The following SFMBT2 variants were observed in gnomAD, a reference collection of about 807,000 sequenced individuals.
SFMBT2 encodes the protein Scm like with four mbt domains 2.
In SFMBT2, 38 loss-of-function variants were observed where a neutral mutation model predicts 110.1. That is an observed-to-expected ratio of 0.35 (90% CI 0.27 to 0.45). The LOEUF (loss-of-function observed/expected upper bound fraction) is 0.45. SFMBT2 is among the 20% of genes least tolerant of loss of function. The pLI, the probability that SFMBT2 is intolerant of heterozygous loss-of-function variation, is 1.00. For missense variants in SFMBT2, 1,011 were observed against 1,094.9 expected (o/e 0.92, Z 1.08); for synonymous variants, 425 against 425.4 (o/e 1.00, Z 0.01).
intron 4 of SFMBT2, among the ~76,000 whole-genome samples, chr10:7,345,806 C>T (rs902864976): frequency 6.6e-6 from 1 of 152,188 alleles, no homozygotes; most frequent in African/African-American, 2.4e-5. Flanking sequence ...TGGTCTTAAC[C>T]GAGTGTTCTA....
chr10:7,202,005 G>T (rs1215904415), intron 13 of SFMBT2, among the ~76,000 whole-genome samples: 1 of 152,230 alleles, frequency 6.6e-6, no homozygotes, highest in African/African-American at 2.4e-5. Flanking sequence ...GAGGGGCAGA[G>T]AATTAATGCC....
Position 7,171,333 on chromosome 10 carries a change from G to A in SFMBT2, c.2416-277C>T. 7 of 969,470 alleles carry A rather than the reference G, an allele frequency of 7.2e-6. No homozygotes were observed. The highest frequency in any genetic ancestry group is 8.6e-6 in the Non-Finnish European group (7 of 815,406). The allele number at this position is 969,470 out of a possible 1,614,324, so 60.1% of individuals were successfully genotyped here. On this transcript the variant is annotated intron_variant, in intron 19 of 20. Coordinates refer to ENST00000397167, the MANE Select transcript of SFMBT2 (RefSeq NM_001387889.1). The surrounding 1 kb of genome is among the most constrained non-coding windows in gnomAD (Gnocchi z 4.9). ...CCCTAGTTCAGGAAACCTTGGGCCTGCTTATGAACGAAGCATCTCTGATTA... is the reference window on the plus strand; with the variant it reads ...CCCTAGTTCAGGAAACCTTGGGCCTACTTATGAACGAAGCATCTCTGATTA...
chr10:7,329,524 G>C (rs150106654), intron 4 of SFMBT2: 1 of 985,336 alleles, frequency 1.0e-6, no homozygotes. Context: ...TGCTGCTGCT[G>C]CTGCAGGTAC....
intron 7 of SFMBT2, among the ~76,000 whole-genome samples, chr10:7,261,032 G>C (rs1337292214): frequency 1.3e-4 from 19 of 151,918 alleles, no homozygotes; most frequent in Admixed American, 1.2e-3. Context: ...CTCTCTGTAT[G>C]AGGTATGACT....
At chr10:7,215,926 A>C in intron 11 of SFMBT2, 1 of 155,962 alleles carries the variant, frequency 6.4e-6, no homozygotes, top group Non-Finnish European at 1.4e-5. Flanking sequence ...GCACATTCTC[A>C]AGGAACCAGG....
chr10:7,285,538 G>T, intron 5 of SFMBT2: 1 of 215,444 alleles, frequency 4.6e-6, no homozygotes, highest in Non-Finnish European at 9.4e-6. Flanking sequence ...TGATTCTACA[G>T]GATTTGATTT....
chr10:7,392,114 T>G (rs1845784663), intron 1 of SFMBT2, among the ~76,000 whole-genome samples: 1 of 152,174 alleles, frequency 6.6e-6, no homozygotes, highest in Admixed American at 6.5e-5. Flanking sequence ...CAGTTGAGGC[T>G]CATGACCCCC....
intron 2 of SFMBT2, among the ~76,000 whole-genome samples, chr10:7,375,754 CA>C: frequency 3.8e-5 from 1 of 26,496 alleles, no homozygotes; most frequent in East Asian, 9.6e-4. Flanking sequence ...GAAAAAACCA[CA>C]CACACACACA....
chr10:7,332,648 T>C (rs1157956985), intron 4 of SFMBT2, among the ~76,000 whole-genome samples: 1 of 152,198 alleles, frequency 6.6e-6, no homozygotes, highest in Non-Finnish European at 1.5e-5. Context: ...GGCCCATTGA[T>C]TTCATTCTCC....
In SFMBT2 at chr10:7,228,179, C is replaced by T. The variant is rs1839953748; in HGVS notation, c.1121-242G>A. 2.0e-5 allele frequency among the ~76,000 whole-genome samples: 3 copies of T among 152,132 alleles called. No homozygotes were observed. The South Asian group carries it at 6.2e-4, about 32-fold the overall frequency. On this transcript the variant is annotated intron_variant, in intron 9 of 20. Transcript: ENST00000397167. ...CAGGTGAGGAAGGGTGGAACTTACCCATGGCGGCACCAGCCGGTGGGGGGA... is the reference window on the plus strand; with the variant it reads ...CAGGTGAGGAAGGGTGGAACTTACCTATGGCGGCACCAGCCGGTGGGGGGA...
chr10:7,182,905 T>C (rs541948131), intron 16 of SFMBT2, among the ~76,000 whole-genome samples: 3 of 151,314 alleles, frequency 2.0e-5, no homozygotes, highest in Admixed American at 6.6e-5. Flanking sequence ...CCAAAAAGCA[T>C]GAGATAATGC....
chr10:7,288,099 C>G (rs1468667475), intron 4 of SFMBT2, among the ~76,000 whole-genome samples: 1 of 152,182 alleles, frequency 6.6e-6, no homozygotes, highest in Non-Finnish European at 1.5e-5. Context: ...CCCATGACTT[C>G]TAGATTGAAA....
At chr10:7,307,198 G>A (rs1842721361) in intron 4 of SFMBT2, among the ~76,000 whole-genome samples, 1 of 152,056 alleles carries the variant, frequency 6.6e-6, no homozygotes, top group Non-Finnish European at 1.5e-5. Context: ...CATAAAAGAA[G>A]ATGTAAACAA....
intron 4 of SFMBT2, among the ~76,000 whole-genome samples, chr10:7,353,945 G>C (rs1844411822): frequency 6.6e-6 from 1 of 151,892 alleles, no homozygotes; most frequent in South Asian, 2.1e-4. Context: ...AAATTAGCTG[G>C]GTGTGGTGGT....
At chr10:7,251,832 C>T (rs1467498907) in intron 7 of SFMBT2, among the ~76,000 whole-genome samples, 1 of 152,138 alleles carries the variant, frequency 6.6e-6, no homozygotes, top group East Asian at 1.9e-4. Context: ...GCCACAGGCA[C>T]AGGGTGAGGC....
At chr10:7,220,296 T>C in intron 11 of SFMBT2, 115 bp downstream of exon 11, 1 of 764,674 alleles carries the variant, frequency 1.3e-6, no homozygotes, top group Non-Finnish European at 2.2e-6. Context: ...TTAAGATCTG[T>C]TTAAATGAAA....
At chr10:7,258,131 C>T (rs955265513) in intron 7 of SFMBT2, among the ~76,000 whole-genome samples, 1 of 152,038 alleles carries the variant, frequency 6.6e-6, no homozygotes, top group Admixed American at 6.5e-5. Flanking sequence ...TGGGGTTTTG[C>T]CATGTTGCTC....
At chr10:7,202,746 T>C in intron 12 of SFMBT2, 2 of 985,438 alleles carry the variant, frequency 2.0e-6, no homozygotes, top group Non-Finnish European at 2.4e-6. Context: ...TCATTTAATC[T>C]TATCATTACA....
At chr10:7,334,068 C>T (rs187602314) in intron 4 of SFMBT2, among the ~76,000 whole-genome samples, 4 of 152,288 alleles carry the variant, frequency 2.6e-5, no homozygotes, top group African/African-American at 9.6e-5. Flanking sequence ...TGCTACGCGA[C>T]GGCTCTTCCC....
Sources: allele counts gnomAD v4.1 joint callset (sites outside exome capture counted in the v4.1 genomes callset), GRCh38; gene constraint gnomAD v4.1.1; non-coding constraint Gnocchi (gnomAD v3.1); transcripts MANE v1.5; gene names NCBI Gene and HGNC (gene_info 2026-07-23, HGNC 2026-07-21).